TMEM232: variants seen among roughly 807,000 people sequenced by gnomAD.
TMEM232 encodes transmembrane protein 232.
In TMEM232, 80 loss-of-function variants were observed where a neutral mutation model predicts 78.8. The observed-to-expected ratio is 1.01, with a 90% CI of 0.85 to 1.22. TMEM232 has a LOEUF of 1.22. Ranked by LOEUF, TMEM232 falls within the 50% of genes most tolerant of loss-of-function variation. TMEM232 has a pLI of 0.00. For synonymous variants in TMEM232, 297 were observed against 254.3 expected (o/e 1.17, Z -1.60); for missense variants, 881 against 742.2 (o/e 1.19, Z -2.17).
intron 12 of TMEM232, among the ~76,000 whole-genome samples, chr5:110,468,300 GTTT>G (rs58284722): frequency 6.6e-6 from 1 of 151,518 alleles, no homozygotes; most frequent in Non-Finnish European, 1.5e-5. Context: ...ATAAAATAAT[GTTT>G]TTTTAACATA....
At chr5:110,724,523 G>A (rs1211648668) in intron 1 of TMEM232, among the ~76,000 whole-genome samples, 1 of 152,106 alleles carries the variant, frequency 6.6e-6, no homozygotes, top group Non-Finnish European at 1.5e-5. Flanking sequence ...AAACTGACAA[G>A]CTAGAAATTT....
In TMEM232 at chr5:110,682,218, G is replaced by A. The variant is rs571560267; in HGVS notation, c.-12-14854C>T. 2.6e-5 allele frequency among the ~76,000 whole-genome samples: 4 copies of A among 152,184 alleles called. No individual in the cohort carries two copies. The South Asian group carries it at 8.3e-4, about 32-fold the overall frequency. On this transcript the variant is annotated intron_variant, in intron 1 of 13. Transcript: ENST00000455884. The stretch of plus-strand genomic sequence containing the variant: ...TTAAGTAAATTAAAATTATCCTTAA[G>A]ATTAAAATATCCTTTTTATTTTCTA...
chr5:110,430,575 G>A (rs773170314), intron 12 of TMEM232, among the ~76,000 whole-genome samples: 1 of 151,610 alleles, frequency 6.6e-6, no homozygotes, highest in Non-Finnish European at 1.5e-5. Context: ...ACAAATAAAT[G>A]CCTTTGAGGG....
At chr5:110,606,130 G>A (rs768490286) in intron 9 of TMEM232, 34 bp downstream of exon 9, 8 of 1,509,336 alleles carry the variant, frequency 5.3e-6, no homozygotes, top group South Asian at 2.6e-5. Context: ...GTTTCTCTTC[G>A]GTTCTCTTTT....
intron 12 of TMEM232, among the ~76,000 whole-genome samples, chr5:110,472,409 G>T (rs1762783613): frequency 6.6e-6 from 1 of 151,670 alleles, no homozygotes. Flanking sequence ...ATAAATAAAT[G>T]GAAAAAATAT....
chr5:110,726,463 G>T (rs1471092694), intron 1 of TMEM232, among the ~76,000 whole-genome samples, 164 bp downstream of exon 1: 2 of 152,170 alleles, frequency 1.3e-5, no homozygotes, highest in African/African-American at 2.4e-5. Context: ...CCAGCCTGGG[G>T]TTGCGAGTAG....
chr5:110,697,772 G>A (rs1309791641), intron 1 of TMEM232, among the ~76,000 whole-genome samples: 1 of 152,090 alleles, frequency 6.6e-6, no homozygotes, highest in Admixed American at 6.6e-5. Flanking sequence ...CAGTTAAAAT[G>A]GCGATCATTA....
At chr5:110,559,890 T>C (rs1457436176) in intron 11 of TMEM232, among the ~76,000 whole-genome samples, 1 of 152,148 alleles carries the variant, frequency 6.6e-6, no homozygotes, top group Non-Finnish European at 1.5e-5. Flanking sequence ...TTGAAATTTC[T>C]TGGCTTGTAA....
At chr5:110,640,774 G>C (rs1786568271) in intron 4 of TMEM232, 117 bp downstream of exon 4, 1 of 531,154 alleles carries the variant, frequency 1.9e-6, no homozygotes, top group East Asian at 3.7e-5. Flanking sequence ...TATTTTGATA[G>C]AGTAGAAAAA....
chr5:110,571,755 G>A (rs1244514075), intron 10 of TMEM232, among the ~76,000 whole-genome samples: 3 of 151,704 alleles, frequency 2.0e-5, no homozygotes, highest in East Asian at 1.9e-4. Context: ...GTACTCAGGA[G>A]GCTGTGTTGG....
chr5:110,462,639 G>A (rs964723897), intron 12 of TMEM232, among the ~76,000 whole-genome samples: 25 of 152,168 alleles, frequency 1.6e-4, no homozygotes, highest in African/African-American at 5.8e-4. Context: ...GAGGTTTGGG[G>A]ACTTTGACTG....
intron 10 of TMEM232, among the ~76,000 whole-genome samples, chr5:110,578,340 C>A (rs540303836): frequency 1.3e-5 from 2 of 151,896 alleles, no homozygotes; most frequent in Non-Finnish European, 2.9e-5. Flanking sequence ...CAAAAATGTT[C>A]TTGGAAATTG....
intron 10 of TMEM232, among the ~76,000 whole-genome samples, chr5:110,597,617 T>A (rs1161219287): frequency 6.6e-6 from 1 of 151,564 alleles, no homozygotes; most frequent in East Asian, 1.9e-4. Context: ...CAAACTATAC[T>A]ACAAGGCTAC....
At chr5:110,391,835 C>T (rs1216372866) in intron 3 of TMEM232, among the ~76,000 whole-genome samples, 1 of 152,134 alleles carries the variant, frequency 6.6e-6, no homozygotes, top group Non-Finnish European at 1.5e-5. Context: ...ATGAAAATTA[C>T]TGAGCTGGAC....
rs560912119 is a variant in TMEM232 at position 110,489,802 on chromosome 5, G to T, written c.1703+38786C>A. Among the ~76,000 whole-genome samples, 4 of 151,994 alleles carry T rather than the reference G, an allele frequency of 2.6e-5. No individual in the cohort carries two copies. In the East Asian group the frequency reaches 7.8e-4, roughly 29 times the overall value. ...TAGCACTAATAAATGAATTCATCAA[G>T]GTCACAGGAAACAAGGTCAATATAT... On this transcript the variant is annotated intron_variant, in intron 12 of 13. Transcript: ENST00000455884.
At chr5:110,604,988 T>A (rs1781365201) in intron 10 of TMEM232, 121 bp downstream of exon 10, 1 of 1,188,568 alleles carries the variant, frequency 8.4e-7, no homozygotes, top group Non-Finnish European at 1.1e-6. Context: ...CTTCCAAAAT[T>A]TGTAAAATTT....
intron 1 of TMEM232, among the ~76,000 whole-genome samples, chr5:110,677,284 G>C (rs1792147313): frequency 6.6e-6 from 1 of 150,596 alleles, no homozygotes; most frequent in Non-Finnish European, 1.5e-5. Flanking sequence ...TAAATATAAT[G>C]GATATTAACC....
chr5:110,664,224 T>C (rs1418230720), intron 2 of TMEM232, among the ~76,000 whole-genome samples: 1 of 152,176 alleles, frequency 6.6e-6, no homozygotes, highest in Non-Finnish European at 1.5e-5. Context: ...GCATTGATTT[T>C]ATTGTCAAAA....
At chr5:110,474,061 TGTG>T (rs1762975690) in intron 12 of TMEM232, among the ~76,000 whole-genome samples, 1 of 151,542 alleles carries the variant, frequency 6.6e-6, no homozygotes, top group African/African-American at 2.4e-5. Context: ...ATAAGTAAAT[TGTG>T]GTGTTCCATT....
Sources: gnomAD v4.1 joint callset for allele counts (sites outside exome capture counted in the v4.1 genomes callset) on GRCh38, gnomAD v4.1.1 for gene constraint, MANE v1.5 for transcripts, NCBI Gene and HGNC (gene_info 2026-07-23, HGNC 2026-07-21) for gene names.